Variants in FARS2 observed in about 807,000 individuals in gnomAD.
The protein encoded by FARS2 is phenylalanine--tRNA ligase, mitochondrial.
A neutral mutation model predicts 46.4 loss-of-function variants in FARS2; 40 were observed. The ratio of observed to expected loss-of-function variants is 0.86; its 90% CI spans 0.67 to 1.12. The LOEUF is 1.12. Ranked by LOEUF, FARS2 falls within the 50% of genes most tolerant of loss-of-function variation. The pLI, the probability that FARS2 is intolerant of heterozygous loss-of-function variation, is 0.00. For synonymous variants in FARS2, 234 were observed against 214.9 expected, an observed-to-expected ratio of 1.09 and a Z score of -0.78; for missense variants, 513 against 567.9, an observed-to-expected ratio of 0.90 and a Z score of 0.98.
chr6:5,565,541 A>C (rs1772274643), intron 5 of FARS2, among the ~76,000 whole-genome samples: 1 of 152,240 alleles, frequency 6.6e-6, no homozygotes, highest in Non-Finnish European at 1.5e-5. Flanking sequence ...AATATGACTG[A>C]CAAGTTTATT....
At chr6:5,481,218 C>T (rs557523027) in intron 4 of FARS2, among the ~76,000 whole-genome samples, 12 of 152,316 alleles carry the variant, frequency 7.9e-5, no homozygotes, top group African/African-American at 1.4e-4. Context: ...GGGAGCCCTC[C>T]GTGTGTTCCT....
At chr6:5,403,325 C>T (rs902351320) in intron 2 of FARS2, among the ~76,000 whole-genome samples, 3 of 152,100 alleles carry the variant, frequency 2.0e-5, no homozygotes, top group Non-Finnish European at 4.4e-5. Context: ...TACTTTTGTG[C>T]TCATCCTCAT....
chr6:5,433,759 C>T (rs1247293590), intron 4 of FARS2, among the ~76,000 whole-genome samples: 1 of 152,202 alleles, frequency 6.6e-6, no homozygotes, highest in Non-Finnish European at 1.5e-5. Context: ...CCCAGGAGTG[C>T]CTGGTGTCAG....
At chr6:5,262,281 CCTTTT>C (rs1248998364) in intron 1 of FARS2, among the ~76,000 whole-genome samples, 1 of 151,944 alleles carries the variant, frequency 6.6e-6, no homozygotes, top group African/African-American at 2.4e-5. Context: ...TTTTCTGTTT[CCTTTT>C]CTTTTTTTTG....
intron 1 of FARS2, among the ~76,000 whole-genome samples, chr6:5,271,749 G>T (rs1242617369): frequency 1.3e-5 from 2 of 151,926 alleles, no homozygotes; most frequent in Non-Finnish European, 2.9e-5. Flanking sequence ...TTTTAGTAGA[G>T]ATGGGGTTTC....
chr6:5,555,698 G>C (rs1412207663), intron 5 of FARS2, among the ~76,000 whole-genome samples: 1 of 152,014 alleles, frequency 6.6e-6, no homozygotes, highest in Non-Finnish European at 1.5e-5. Context: ...AACTTTTTCA[G>C]TATTTCCATG....
At chr6:5,602,221 T>G (rs1321768195) in intron 5 of FARS2, among the ~76,000 whole-genome samples, 1 of 152,180 alleles carries the variant, frequency 6.6e-6, no homozygotes, top group African/African-American at 2.4e-5. Context: ...GAAACTTTAC[T>G]GAAATAAGGG....
At chr6:5,456,612 A>G (rs1174605233) in intron 4 of FARS2, among the ~76,000 whole-genome samples, 3 of 151,278 alleles carry the variant, frequency 2.0e-5, no homozygotes, top group Non-Finnish European at 4.4e-5. Context: ...GCGTGCCTGT[A>G]AGCTCAGCCT....
intron 1 of FARS2, among the ~76,000 whole-genome samples, chr6:5,341,235 A>ATATATATATAT (rs1561970178): frequency 9.7e-5 from 1 of 10,270 alleles, no homozygotes; most frequent in Non-Finnish European, 2.0e-4. Context: ...ATATATATAT[A>ATATATATATAT]TTTTTTTTTT....
At chr6:5,511,587 C>T (rs1768456157) in intron 4 of FARS2, among the ~76,000 whole-genome samples, 1 of 152,060 alleles carries the variant, frequency 6.6e-6, no homozygotes, top group Non-Finnish European at 1.5e-5. Context: ...CCATAAAAAC[C>T]AAAGAGAAAA....
chr6:5,749,566 C>T (rs1032512665), intron 6 of FARS2, among the ~76,000 whole-genome samples: 2 of 152,218 alleles, frequency 1.3e-5, no homozygotes, highest in African/African-American at 4.8e-5. Context: ...ACCAACCGTG[C>T]TGTGCTCAGG....
intron 2 of FARS2, among the ~76,000 whole-genome samples, chr6:5,404,163 T>G (rs1761418315): frequency 6.6e-6 from 1 of 152,178 alleles, no homozygotes; most frequent in Non-Finnish European, 1.5e-5. Flanking sequence ...CTTACAGGAT[T>G]TAATTCCTCG....
intron 2 of FARS2, among the ~76,000 whole-genome samples, chr6:5,395,082 G>A (rs1043164407): frequency 1.3e-5 from 2 of 152,002 alleles, no homozygotes; most frequent in African/African-American, 4.8e-5. Context: ...ACAGAGTCTC[G>A]CTCTGTCACC....
At chr6:5,361,543 TGC>T (rs1219055078) in intron 1 of FARS2, among the ~76,000 whole-genome samples, 1 of 152,248 alleles carries the variant, frequency 6.6e-6, no homozygotes, top group African/African-American at 2.4e-5. Context: ...GGAAACTGCC[TGC>T]TTATAGCCCT....
In FARS2 at chr6:5,594,910, C is replaced by A. The variant is rs1441624666; in HGVS notation, c.1066-18259C>A. ...AGGAGCCGTGTTGCTGAGCCCCTGA[C>A]AGGAATAGAAAGCTGGCAGAATGGA... is the stretch of plus-strand genomic sequence containing the variant. On this transcript the variant is annotated intron_variant, in intron 5 of 6. Transcript: ENST00000274680. Among the ~76,000 whole-genome samples, 4 of 152,212 alleles carry A rather than the reference C, an allele frequency of 2.6e-5. 1 individual carries two copies. The highest frequency in any genetic ancestry group is 5.9e-5 in the Non-Finnish European group (4 of 68,046).
chr6:5,254,328 G>C, the FARS2 span, among the ~76,000 whole-genome samples: 1 of 152,170 alleles, frequency 6.6e-6, no homozygotes, highest in South Asian at 2.1e-4. Flanking sequence ...ACGCTTCCTT[G>C]ACTAGCAGGA....
At chr6:5,255,903 T>A in the FARS2 span, among the ~76,000 whole-genome samples, 6 of 152,216 alleles carry the variant, frequency 3.9e-5, no homozygotes, top group Admixed American at 1.3e-4. Context: ...ATAGTATTCC[T>A]AGATAATTCA....
chr6:5,563,862 T>C (rs1461343251), intron 5 of FARS2, among the ~76,000 whole-genome samples: 3 of 152,176 alleles, frequency 2.0e-5, no homozygotes, highest in Non-Finnish European at 4.4e-5. Flanking sequence ...AAAGAGAGAT[T>C]GTAGCCCCTC....
At chr6:5,562,272 C>T (rs915525956) in intron 5 of FARS2, among the ~76,000 whole-genome samples, 3 of 151,634 alleles carry the variant, frequency 2.0e-5, no homozygotes, top group African/African-American at 7.3e-5. Context: ...TTACGGCATC[C>T]TCTTGTCCCT....
Sources: gnomAD v4.1 joint callset for allele counts (sites outside exome capture counted in the v4.1 genomes callset) on GRCh38, gnomAD v4.1.1 for gene constraint, MANE v1.5 for transcripts, NCBI Gene and HGNC (gene_info 2026-07-23, HGNC 2026-07-21) for gene names.